Variants in TERF2 observed in about 807,000 individuals in gnomAD.
TERF2 encodes the protein telomeric repeat binding factor 2.
Under a neutral mutation model 56.1 loss-of-function variants are expected in TERF2, and 16 were observed. That is an observed-to-expected ratio of 0.29 (90% CI 0.19 to 0.43). The LOEUF is 0.43. Among genes scored for constraint, TERF2 ranks in the 20% least tolerant of loss-of-function variants. The pLI, the probability that TERF2 is intolerant of heterozygous loss-of-function variation, is 1.00. For missense variants in TERF2, 547 were observed against 712.9 expected, an observed-to-expected ratio of 0.77 and a Z score of 2.65; for synonymous variants, 296 against 282.1, an observed-to-expected ratio of 1.05 and a Z score of -0.50.
At chr16:69,385,128 T>A (rs8061352) in intron 2 of TERF2, among the ~76,000 whole-genome samples, 36,097 of 151,882 alleles carry the variant, frequency 0.24, 4,608 homozygotes, top group South Asian at 0.35. Flanking sequence ...TGAACATAAC[T>A]CACTTTAGAC....
intron 8 of TERF2, among the ~76,000 whole-genome samples, chr16:69,359,298 C>T (rs190715614): frequency 6.6e-6 from 1 of 152,114 alleles, no homozygotes; most frequent in African/African-American, 2.4e-5. Context: ...GAGGCCAAGG[C>T]GGGCGGATCA....
intron 3 of TERF2, among the ~76,000 whole-genome samples, chr16:69,378,677 A>G (rs564566819): frequency 1.3e-5 from 2 of 152,280 alleles, no homozygotes; most frequent in East Asian, 3.9e-4. Context: ...GTGGAACTTC[A>G]AATTCTGGTC....
At chr16:69,371,364 G>C (rs150173429) in intron 4 of TERF2, among the ~76,000 whole-genome samples, 2 of 151,544 alleles carry the variant, frequency 1.3e-5, no homozygotes, top group African/African-American at 4.8e-5. Flanking sequence ...AGCCCAGCAT[G>C]GTGGCACATG....
In TERF2 at chr16:69,385,858, C is replaced by CCGCG. The variant is rs781370802; in HGVS notation, c.110_113dup (p.Arg39AlafsTer13). 5.8e-6 allele frequency: 8 copies of CCGCG among 1,369,744 alleles called. No homozygotes were observed. The South Asian group carries it at 1.3e-4, about 23-fold the overall frequency. The allele number at this position is 1,369,744 out of a possible 1,614,324, so 84.8% of individuals were successfully genotyped here. On this transcript the variant is annotated frameshift_variant, in exon 1 of 10. Coordinates refer to ENST00000254942, the MANE Select transcript of TERF2 (RefSeq NM_005652.5). LOFTEE classifies it high-confidence loss of function. The stretch of plus-strand genomic sequence containing the variant: ...CTCCTCCCGCCATCGTGTCCGATCG[C>CCGCG]CGCGCGCCCTCCCCGCCCTCCCGGC...
At chr16:69,370,989 G>A (rs538017342) in intron 4 of TERF2, among the ~76,000 whole-genome samples, 1 of 135,494 alleles carries the variant, frequency 7.4e-6, no homozygotes, top group East Asian at 2.1e-4. Flanking sequence ...CTATGTGGAT[G>A]TCTGTACACA....
chr16:69,366,609 G>C, intron 7 of TERF2, 198 bp downstream of exon 7: 1 of 639,860 alleles, frequency 1.6e-6, no homozygotes, highest in South Asian at 2.5e-5. Context: ...GCAAGGCTTG[G>C]AAGCCCACAT....
At chr16:69,368,732 A>C (rs1469213760) in intron 5 of TERF2, 15 of 814,890 alleles carry the variant, frequency 1.8e-5, no homozygotes, top group Non-Finnish European at 2.7e-5. Flanking sequence ...GCTGCAGCAC[A>C]GTGGTGCAAT....
At chr16:69,370,710 T>C in intron 4 of TERF2, 81 bp from the exon 5 acceptor site, 5 of 1,397,232 alleles carry the variant, frequency 3.6e-6, no homozygotes, top group Non-Finnish European at 4.9e-6. Context: ...AGACAGACAC[T>C]ATGAGAACTT....
chr16:69,360,054 C>T (rs1170250775), intron 8 of TERF2, among the ~76,000 whole-genome samples: 5 of 151,908 alleles, frequency 3.3e-5, no homozygotes, highest in South Asian at 2.1e-4. Flanking sequence ...TGAGCCACTA[C>T]GCCCAGCCTA....
At chr16:69,367,263 C>T (rs1435887417) in intron 6 of TERF2, 64 bp from the exon 7 acceptor site, 1 of 1,511,392 alleles carries the variant, frequency 6.6e-7, no homozygotes, top group Admixed American at 2.2e-5. Context: ...CAAACAGCCA[C>T]AACTTTTTTG....
chr16:69,371,693 T>C (rs2013582571), intron 4 of TERF2, among the ~76,000 whole-genome samples: 1 of 151,970 alleles, frequency 6.6e-6, no homozygotes, highest in African/African-American at 2.4e-5. Flanking sequence ...CATGCAGCTG[T>C]GAACCCAGCT....
At chr16:69,374,048 G>A (rs745405347) in intron 3 of TERF2, among the ~76,000 whole-genome samples, 3 of 152,152 alleles carry the variant, frequency 2.0e-5, no homozygotes, top group Non-Finnish European at 4.4e-5. Context: ...TTGCTGCACA[G>A]GGAAGGTACA....
intron 4 of TERF2, among the ~76,000 whole-genome samples, chr16:69,372,060 TTA>T (rs2013596364): frequency 6.6e-6 from 1 of 152,198 alleles, no homozygotes; most frequent in Non-Finnish European, 1.5e-5. Flanking sequence ...AGTGAATAAT[TTA>T]TGTCAATTTC....
intron 7 of TERF2, among the ~76,000 whole-genome samples, chr16:69,363,271 G>A (rs2013211349): frequency 6.6e-6 from 1 of 152,176 alleles, no homozygotes; most frequent in Non-Finnish European, 1.5e-5. Flanking sequence ...TCCCCAGCTG[G>A]TCCGTCATGT....
intron 2 of TERF2, among the ~76,000 whole-genome samples, chr16:69,385,052 G>A (rs1247895907): frequency 6.6e-6 from 1 of 152,072 alleles, no homozygotes; most frequent in Non-Finnish European, 1.5e-5. Flanking sequence ...AAATTCAGAG[G>A]GGAAAAATGT....
At chr16:69,381,336 T>C (rs1216247507) in intron 3 of TERF2, among the ~76,000 whole-genome samples, 3 of 152,186 alleles carry the variant, frequency 2.0e-5, no homozygotes, top group Admixed American at 1.3e-4. Flanking sequence ...CAACTGTAAT[T>C]TGTCAGTTGT....
intron 8 of TERF2, 155 bp downstream of exon 8, chr16:69,361,249 A>C (rs1407942893): frequency 2.0e-5 from 13 of 637,874 alleles, no homozygotes; most frequent in Middle Eastern, 2.6e-4. Context: ...AAAAAAAAAA[A>C]AAAACTGATT....
rs2014177532 is a variant in TERF2 at position 69,385,738 on chromosome 16, C to A, written c.234G>T (p.Gly78=). 2 of 1,513,644 alleles carry A rather than the reference C, an allele frequency of 1.3e-6. No homozygotes were observed. The highest frequency in any genetic ancestry group is 1.8e-6 in the Non-Finnish European group (2 of 1,135,678). 93.8% of individuals were successfully genotyped at this position (1,513,644 alleles called of 1,614,324 possible). Residue 78 remains glycine, a synonymous_variant, in exon 1 of 10, where the codon GGG becomes GGT. Transcript: ENST00000254942. ...ARRGRHEPGL[G]GPAERGAGEA... is the part of the protein sequence containing the mutation. ...CCCCCGCGCCGCGCTCCGCCGGGCC[C>A]CCCAGCCCCGGCTCGTGGCGCCCCC...
At position 69,367,192 on chromosome 16, in the gene TERF2, G is replaced by A. The variant is rs762742087; in HGVS notation, c.955C>T (p.Arg319Trp). 12 of 1,600,786 alleles carry A rather than the reference G, an allele frequency of 7.5e-6. No individual in the cohort carries two copies. The highest frequency in any genetic ancestry group is 4.4e-5 in the South Asian group (4 of 90,588). Residue 319 changes from arginine to tryptophan, a missense_variant, in exon 7 of 10, where the codon CGG becomes TGG. By Grantham distance (101) the Arg-to-Trp change is moderately radical. Coordinates refer to ENST00000254942, the MANE Select transcript of TERF2 (RefSeq NM_005652.5). ...ATTCCAATGGTGGTTGGAGGATTCC[G>A]TAGCTGCCTGCAAATCAAGCATAGG... ...KPPREPARQL[R>W]NPPTTIGMMT...
Sources: gnomAD v4.1 joint callset for allele counts (sites outside exome capture counted in the v4.1 genomes callset) on GRCh38, gnomAD v4.1.1 for gene constraint, MANE v1.5 for transcripts, NCBI Gene and HGNC (gene_info 2026-07-23, HGNC 2026-07-21) for gene names.